Variants in CA13 observed in about 807,000 individuals in gnomAD.
CA13 encodes the protein CA-XIII.
In CA13, 21 loss-of-function variants were observed where a neutral mutation model predicts 31.5. The observed-to-expected ratio is 0.67, with a 90% CI of 0.47 to 0.96. The LOEUF is 0.96. Ranked by LOEUF, CA13 falls within the 40% of genes least tolerant of loss-of-function variation. The pLI is 0.00. For missense variants in CA13, 315 were observed against 318.9 expected (o/e 0.99, Z 0.09); for synonymous variants, 117 against 111.4 (o/e 1.05, Z -0.32).
intron 2 of CA13, among the ~76,000 whole-genome samples, chr8:85,258,210 A>T (rs117952255): frequency 6.6e-6 from 1 of 151,730 alleles, no homozygotes; most frequent in East Asian, 1.9e-4. Flanking sequence ...TTAGCTTCCA[A>T]CGCTTCCTGA....
At chr8:85,252,941 T>C (rs1351946284) in intron 2 of CA13, among the ~76,000 whole-genome samples, 1 of 151,902 alleles carries the variant, frequency 6.6e-6, no homozygotes. Flanking sequence ...AGTAAGTTTT[T>C]TTTTCTTTTC....
rs1813793079 is a variant in CA13 at position 85,249,760 on chromosome 8, TAGAG to T, written c.38-976_38-973del. On this transcript the variant is annotated intron_variant, in intron 1 of 6. Coordinates refer to ENST00000321764, the MANE Select transcript of CA13 (RefSeq NM_198584.3). ...ATAGCTGTATAAATTTCAGGAATAG[TAGAG>T]AGAATAAGAACCTATAACCTATAAA... 4 of 388,900 alleles carry T rather than the reference TAGAG, an allele frequency of 1.0e-5. No individual in the cohort carries two copies. In the East Asian group the frequency reaches 3.5e-4, roughly 34 times the overall value. The allele number at this position is 388,900 out of a possible 1,614,324, so 24.1% of individuals were successfully genotyped here. A position where few individuals can be genotyped will look rare whatever the true frequency, so the allele number is the denominator to read the frequency against.
At chr8:85,270,130 T>C (rs994653009) in intron 6 of CA13, among the ~76,000 whole-genome samples, 1 of 152,218 alleles carries the variant, frequency 6.6e-6, no homozygotes, top group African/African-American at 2.4e-5. Flanking sequence ...TGCTTCTTCA[T>C]TGGTTTTGTT....
chr8:85,246,140 CCTT>C (rs1255190014), intron 1 of CA13, among the ~76,000 whole-genome samples: 1 of 152,152 alleles, frequency 6.6e-6, no homozygotes, highest in Non-Finnish European at 1.5e-5. Flanking sequence ...TGTGAGTTCA[CCTT>C]CATCTGAAAA....
Position 85,259,543 on chromosome 8 carries a change from A to G in CA13, c.354+4A>G. On this transcript the variant is annotated splice_donor_region_variant and intron_variant, in intron 3 of 6. Transcript: ENST00000321764. ...TGGAGTGAGCTATGCTGCAGAGGTA[A>G]GCCATAAGACATATCTGTGATTCAC... 2 of 1,609,944 alleles carry G rather than the reference A, an allele frequency of 1.2e-6. No homozygotes were observed. Among genetic ancestry groups the G allele is most frequent in the Non-Finnish European group, 1.7e-6 (2 of 1,176,176 alleles).
intron 6 of CA13, 135 bp from the exon 7 acceptor site, chr8:85,281,095 A>G: frequency 1.9e-6 from 2 of 1,058,306 alleles, no homozygotes. Context: ...GCTTTATTAT[A>G]TATGACATGT....
rs1490331985 is a variant in CA13 at position 85,282,739 on chromosome 8, T to C, written c.*1390T>C. 1 of 152,200 alleles carries C rather than the reference T, an allele frequency of 6.6e-6. No homozygotes were observed. Among genetic ancestry groups the C allele is most frequent in the Non-Finnish European group, 1.5e-5 (1 of 68,030 alleles). The allele number at this position is 152,200 out of a possible 1,614,324, so 9.4% of individuals were successfully genotyped here. ...ATTTTTGTTTGTTTTTGGTGAAGGA[T>C]AAGAGTGGTGTTTCTTTTGCCCTTT... On this transcript the variant is annotated 3_prime_UTR_variant, in exon 7 of 7. Transcript: ENST00000321764.
intron 3 of CA13, among the ~76,000 whole-genome samples, chr8:85,264,353 A>G (rs1807426612): frequency 6.6e-6 from 1 of 152,184 alleles, no homozygotes; most frequent in South Asian, 2.1e-4. Context: ...AGAAGAATCT[A>G]ATTTTCATTT....
intron 6 of CA13, among the ~76,000 whole-genome samples, chr8:85,275,962 G>T (rs1323952157): frequency 6.6e-6 from 1 of 152,252 alleles, no homozygotes; most frequent in Non-Finnish European, 1.5e-5. Context: ...CACTTTGGCG[G>T]CACTTGAGGA....
intron 1 of CA13, chr8:85,246,633 A>G (rs1388516576): frequency 1.6e-5 from 6 of 386,270 alleles, no homozygotes. Flanking sequence ...TGTATATCAC[A>G]CATTATCAAA....
chr8:85,261,896 A>T (rs1354350092), intron 3 of CA13, among the ~76,000 whole-genome samples: 1 of 151,964 alleles, frequency 6.6e-6, no homozygotes, highest in Non-Finnish European at 1.5e-5. Context: ...CCCAGGCTAG[A>T]GTGCCATGGT....
chr8:85,248,548 C>T (rs1433629673), intron 1 of CA13, among the ~76,000 whole-genome samples: 1 of 151,236 alleles, frequency 6.6e-6, no homozygotes. Context: ...TTGCCTGAGG[C>T]CAGGAGTTCC....
chr8:85,256,207 T>G (rs1160205978), intron 2 of CA13, among the ~76,000 whole-genome samples: 1 of 152,190 alleles, frequency 6.6e-6, no homozygotes, highest in Non-Finnish European at 1.5e-5. Flanking sequence ...GCTGGAACCT[T>G]TATTTTTAAA....
chr8:85,277,757 C>T (rs943179124), intron 6 of CA13, among the ~76,000 whole-genome samples: 6 of 152,120 alleles, frequency 3.9e-5, no homozygotes, highest in African/African-American at 9.7e-5. Flanking sequence ...GAAGTGAGGA[C>T]GGGGCAGGGG....
chr8:85,262,334 C>T (rs1162612497), intron 3 of CA13, among the ~76,000 whole-genome samples: 1 of 152,130 alleles, frequency 6.6e-6, no homozygotes, highest in Non-Finnish European at 1.5e-5. Flanking sequence ...GGATAGGCAT[C>T]CGTTTTAAGT....
intron 3 of CA13, among the ~76,000 whole-genome samples, chr8:85,264,334 T>G (rs1807426441): frequency 6.6e-6 from 1 of 152,240 alleles, no homozygotes; most frequent in African/African-American, 2.4e-5. Flanking sequence ...AGAAATTAGT[T>G]GCCAGTAGAG....
At chr8:85,251,001 CTTT>C (rs34303043) in intron 2 of CA13, 64 bp downstream of exon 2, 91,305 of 750,866 alleles carry the variant, frequency 0.12, 58 homozygotes, top group Middle Eastern at 0.15. Flanking sequence ...AGACTATACT[CTTT>C]TTTTTTTTTT....
chr8:85,266,029 A>T (rs998897211), intron 3 of CA13, among the ~76,000 whole-genome samples: 2 of 152,144 alleles, frequency 1.3e-5, no homozygotes, highest in Non-Finnish European at 2.9e-5. Context: ...CTGTGAGCTC[A>T]GCCCTCTTCC....
At chr8:85,250,141 G>A (rs969795419) in intron 1 of CA13, among the ~76,000 whole-genome samples, 1 of 152,182 alleles carries the variant, frequency 6.6e-6, no homozygotes, top group Non-Finnish European at 1.5e-5. Context: ...CTGACGTGGT[G>A]CAGCCATTTT....
Sources: gnomAD v4.1 joint callset for allele counts (sites outside exome capture counted in the v4.1 genomes callset) on GRCh38, gnomAD v4.1.1 for gene constraint, MANE v1.5 for transcripts, NCBI Gene and HGNC (gene_info 2026-07-23, HGNC 2026-07-21) for gene names.